The following INPPL1 variants were observed in gnomAD, a reference collection of about 807,000 sequenced individuals.
INPPL1 encodes inositol polyphosphate phosphatase like 1, also known as phosphatidylinositol 3,4,5-trisphosphate 5-phosphatase 2.
In INPPL1, 91 loss-of-function variants were observed where a neutral mutation model predicts 139.3. The ratio of observed to expected loss-of-function variants is 0.65; its 90% CI spans 0.55 to 0.78. INPPL1 has a LOEUF of 0.78. INPPL1 is among the 30% of genes least tolerant of loss of function. The probability of loss-of-function intolerance (pLI) is 0.00; values close to 1 mark genes in which losing one functional copy is unlikely to be tolerated. For synonymous variants in INPPL1, 719 were observed against 686.6 expected (o/e 1.05, Z -0.74); for missense variants, 1,411 against 1,665.6 (o/e 0.85, Z 2.66).
At chr11:72,231,963 A>T (rs890725241) in intron 13 of INPPL1, among the ~76,000 whole-genome samples, 1 of 152,100 alleles carries the variant, frequency 6.6e-6, no homozygotes, top group African/African-American at 2.4e-5. Flanking sequence ...CAGAATCTGC[A>T]GGGCCTTTCA....
At position 72,232,949 on chromosome 11, in the gene INPPL1, G is replaced by A. The variant is rs752265904; in HGVS notation, c.1926G>A (p.Glu642=). ...TGGACCAGCTCAACCTGGAGCGGGAGAAGCACAAGGTCTTCCTTCGATTCA... is the reference window on the plus strand; with the variant it reads ...TGGACCAGCTCAACCTGGAGCGGGAAAAGCACAAGGTCTTCCTTCGATTCA... ...LRVDQLNLER[E]KHKVFLRFSE... Residue 642 remains glutamate (E), a synonymous_variant, in exon 16 of 28, where the codon GAG becomes GAA. Transcript: ENST00000298229. 4.3e-6 allele frequency: 7 copies of A among 1,614,158 alleles called. 1 individual carries two copies. The highest frequency in any genetic ancestry group is 1.6e-4 in the Middle Eastern group (1 of 6,062).
chr11:72,224,245 G>A (rs1374764410), upstream of INPPL1, among the ~76,000 whole-genome samples: 2 of 151,784 alleles, frequency 1.3e-5, no homozygotes, highest in African/African-American at 4.8e-5. Context: ...GCCGGGGGAC[G>A]GTTCCCGTGG....
At chr11:72,225,808 G>A (rs150566110) in intron 1 of INPPL1, among the ~76,000 whole-genome samples, 80 of 152,360 alleles carry the variant, frequency 5.3e-4, no homozygotes, top group Non-Finnish European at 9.6e-4. Flanking sequence ...CTAGCCCTGA[G>A]CTATGAGTGC....
Position 72,234,607 on chromosome 11 carries a change from C to T in INPPL1, c.2407C>T (p.Leu803=), listed in dbSNP as rs538489867. 1 of 1,612,848 alleles carries T rather than the reference C, an allele frequency of 6.2e-7. No individual in the cohort carries two copies. The highest frequency in any genetic ancestry group is 2.2e-5 in the East Asian group (1 of 44,850). ...FLKVQWSSRQ[L]PTLKPILADI... is the part of the protein sequence containing the mutation. The stretch of plus-strand genomic sequence containing the variant: ...CAAAGTGCAGTGGTCTTCACGCCAG[C>T]TGCCCACGGTGAGGCTGTGGGCAGG... The change falls in exon 21 of 28, where the codon CTG becomes TTG. Residue 803 remains leucine (L), a synonymous_variant. Coordinates refer to ENST00000298229, the MANE Select transcript of INPPL1 (RefSeq NM_001567.4). The surrounding 1 kb of genome is among the most constrained non-coding windows in gnomAD (Gnocchi z 4.2).
At position 72,231,053 on chromosome 11, in the gene INPPL1, C is replaced by T. The variant is rs1948820160; in HGVS notation, c.1361C>T (p.Thr454Ile). 6.2e-7 allele frequency: 1 copy of T among 1,614,022 alleles called. No homozygotes were observed. The highest frequency in any genetic ancestry group is 1.3e-5 in the African/African-American group (1 of 74,918). ...TTCACATCGAAGGGTCTGGGGAAGA[C>T]CCTGGACGAGGTCACAGTGACCATA... is the stretch of plus-strand genomic sequence containing the variant. ...SWFTSKGLGK[T>I]LDEVTVTIPH... The change falls in exon 12 of 28, where the codon ACC becomes ATC. Residue 454 changes from threonine (T) to isoleucine (I), a missense_variant. Physicochemically the swap from Thr to Ile is moderately conservative, Grantham distance 89. This residue lies in a region of INPPL1 where 7 missense variants were observed against 26.5 expected (regional missense o/e 0.26). Coordinates refer to ENST00000298229, the MANE Select transcript of INPPL1 (RefSeq NM_001567.4).
chr11:72,238,327 C>G lies in INPPL1; in HGVS notation c.3751C>G (p.Leu1251Val). The G allele has an allele frequency of 6.3e-7, 1 of 1,582,852 alleles. No homozygotes were observed. The highest frequency in any genetic ancestry group is 8.6e-7 in the Non-Finnish European group (1 of 1,165,532). Reference sequence around the variant, plus strand: ...GGACCCGGCTCACAAGCGCCTCCTTCTGGACACCCTGCAGCTCAGCAAGTG... The same window carrying G: ...GGACCCGGCTCACAAGCGCCTCCTTGTGGACACCCTGCAGCTCAGCAAGTG... ...VQDPAHKRLL[L>V]DTLQLSK Residue 1251 changes from leucine to valine, a missense_variant, in exon 28 of 28, where the codon CTG becomes GTG. Leu to Val is a conservative substitution (Grantham distance 32, BLOSUM62 1). Coordinates refer to ENST00000298229, the MANE Select transcript of INPPL1 (RefSeq NM_001567.4).
intron 15 of INPPL1, 21 bp downstream of exon 15, chr11:72,232,785 T>C: frequency 1.2e-6 from 2 of 1,613,870 alleles, no homozygotes; most frequent in Non-Finnish European, 8.5e-7. Flanking sequence ...GGCCCTGCCA[T>C]GGCTGTAGGG....
chr11:72,225,025 T>C lies in INPPL1; in HGVS notation c.41T>C (p.Leu14Pro). 1 of 1,221,340 alleles carries C rather than the reference T, an allele frequency of 8.2e-7. No individual in the cohort carries two copies. The highest frequency in any genetic ancestry group is 1.0e-6 in the Non-Finnish European group (1 of 981,760). The allele number at this position is 1,221,340 out of a possible 1,614,324, so 75.7% of individuals were successfully genotyped here. A position where few individuals can be genotyped will look rare whatever the true frequency, so the allele number is the denominator to read the frequency against. The change falls in exon 1 of 28, where the codon CTG becomes CCG. Residue 14 changes from leucine (L) to proline (P), a missense_variant. Around this residue, in one of 5 missense-constraint regions of INPPL1, gnomAD observed 504 missense variants for 595.6 expected, o/e 0.85. Transcript: ENST00000298229. ...ACGAPGPGGA[L>P]GSQAPSWYHR... The stretch of plus-strand genomic sequence containing the variant: ...GGGGCGCCGGGCCCGGGGGGCGCCC[T>C]GGGCAGCCAGGCCCCCTCCTGGTAC...
At chr11:72,225,283 A>AC (rs1948638193) in intron 1 of INPPL1, 117 bp downstream of exon 1, 4 of 1,220,292 alleles carry the variant, frequency 3.3e-6, no homozygotes, top group Non-Finnish European at 4.1e-6. Context: ...ACCCGCCTCC[A>AC]CCCCCCAGAG....
Position 72,234,658 on chromosome 11 carries a change from G to C in INPPL1, c.2415+43G>C, listed in dbSNP as rs746106581. On this transcript the variant is annotated intron_variant, in intron 21 of 27. Coordinates refer to ENST00000298229, the MANE Select transcript of INPPL1 (RefSeq NM_001567.4). The surrounding 1 kb of genome is among the most constrained non-coding windows in gnomAD (Gnocchi z 4.2). ...GCCCCTGCTTATGGGTGAGGGCACAGAGAGGGGTACATAAGAGTTTATTGG... is the reference window on the plus strand; with the variant it reads ...GCCCCTGCTTATGGGTGAGGGCACACAGAGGGGTACATAAGAGTTTATTGG... The C allele has an allele frequency of 7.0e-7, 1 of 1,425,726 alleles. No homozygotes were observed. Among genetic ancestry groups the C allele is most frequent in the East Asian group, 2.3e-5 (1 of 43,834 alleles). 88.3% of individuals were successfully genotyped at this position (1,425,726 alleles called of 1,614,324 possible).
At chr11:72,233,548 G>A in intron 18 of INPPL1, 26 bp downstream of exon 18, 1 of 1,610,026 alleles carries the variant, frequency 6.2e-7, no homozygotes, top group Non-Finnish European at 8.5e-7. Flanking sequence ...ACAGAGTGAT[G>A]GGAGATCTGG....
rs1425867811 is a variant in INPPL1, at chr11:72,228,063, G to A, written c.183-127G>A. On this transcript the variant is annotated intron_variant, in intron 1 of 27. Transcript: ENST00000298229. This position sits in a 1 kb window ranked among gnomAD's most constrained non-coding sequence, Gnocchi z 5.0. The stretch of plus-strand genomic sequence containing the variant: ...ACATCATTAACCCTGTGCAGCCTGG[G>A]CAGGTGGTTTTAGGGAAACCAAGCT... 3.5e-6 allele frequency: 3 copies of A among 860,538 alleles called. No individual in the cohort carries two copies. The highest frequency in any genetic ancestry group is 5.8e-6 in the Non-Finnish European group (3 of 516,366). The allele number at this position is 860,538 out of a possible 1,614,324, so 53.3% of individuals were successfully genotyped here. A position where few individuals can be genotyped will look rare whatever the true frequency, so the allele number is the denominator to read the frequency against.
At position 72,228,982 on chromosome 11, in the gene INPPL1, G is replaced by C. The variant is rs1467555104; in HGVS notation, c.519-108G>C. ...ACCTCAGCCCAGAGGCAGATAACCTGATCCATCCCGCCCTGGTTGCCACAG... is the reference window on the plus strand; with the variant it reads ...ACCTCAGCCCAGAGGCAGATAACCTCATCCATCCCGCCCTGGTTGCCACAG... On this transcript the variant is annotated intron_variant, in intron 4 of 27. Coordinates refer to ENST00000298229, the MANE Select transcript of INPPL1 (RefSeq NM_001567.4). This position sits in a 1 kb window ranked among gnomAD's most constrained non-coding sequence, Gnocchi z 5.0. 2 of 1,523,998 alleles carry C rather than the reference G, an allele frequency of 1.3e-6. No individual in the cohort carries two copies. Among genetic ancestry groups the C allele is most frequent in the Non-Finnish European group, 1.8e-6 (2 of 1,135,274 alleles). 94.4% of individuals were successfully genotyped at this position (1,523,998 alleles called of 1,614,324 possible).
chr11:72,230,960 C>T (rs768854699), intron 11 of INPPL1, 33 bp from the exon 12 acceptor site: 2 of 1,611,544 alleles, frequency 1.2e-6, no homozygotes, highest in Non-Finnish European at 8.5e-7. Flanking sequence ...GTGCCTAACC[C>T]CTCCAGACCC....
Position 72,228,259 on chromosome 11 carries a change from AG to A in INPPL1, c.246+7del, listed in dbSNP as rs781680956. On this transcript the variant is annotated splice_region_variant and intron_variant, in intron 2 of 27. Coordinates refer to ENST00000298229, the MANE Select transcript of INPPL1 (RefSeq NM_001567.4). The surrounding 1 kb of genome is among the most constrained non-coding windows in gnomAD (Gnocchi z 5.0). ...AAGATTTCTTGGCTGTGCAGGTAGG[AG>A]CTTGGGCCCCTGACCCCTGACCTTG... 78 of 1,613,892 alleles carry A rather than the reference AG, an allele frequency of 4.8e-5. No individual in the cohort carries two copies. The highest frequency in any genetic ancestry group is 5.9e-5 in the Non-Finnish European group (70 of 1,179,956).
In INPPL1 at chr11:72,232,614, C is replaced by T. The variant is rs1286524593; in HGVS notation, c.1713-12C>T. 2 of 1,613,200 alleles carry T rather than the reference C, an allele frequency of 1.2e-6. No individual in the cohort carries two copies. Among genetic ancestry groups the T allele is most frequent in the Non-Finnish European group, 1.7e-6 (2 of 1,179,678 alleles). On this transcript the variant is annotated splice_polypyrimidine_tract_variant and intron_variant, in intron 14 of 27. Coordinates refer to ENST00000298229, the MANE Select transcript of INPPL1 (RefSeq NM_001567.4). Reference sequence around the variant, plus strand: ...GGATCTACCCCTCCCCACCACGCACCCCTCACCCTAGGAGGAACCAAAACT... The same window carrying T: ...GGATCTACCCCTCCCCACCACGCACTCCTCACCCTAGGAGGAACCAAAACT...
Position 72,229,902 on chromosome 11 carries a change from G to C in INPPL1, c.844-22G>C, listed in dbSNP as rs375062310. ...AGCCTTCAGTGTGTCCCCTGACCCC[G>C]CCCTGCCCTTGTTCCCTCCAGGCCC... On this transcript the variant is annotated intron_variant, in intron 7 of 27. Transcript: ENST00000298229. 3.4e-5 allele frequency: 54 copies of C among 1,609,546 alleles called. No homozygotes were observed. The Middle Eastern group carries it at 6.9e-4, about 21-fold the overall frequency.
Position 72,233,653 on chromosome 11 carries a change from AG to A in INPPL1, c.2123del. 1 of 1,613,868 alleles carries A rather than the reference AG, an allele frequency of 6.2e-7. No individual in the cohort carries two copies. The highest frequency in any genetic ancestry group is 8.5e-7 in the Non-Finnish European group (1 of 1,179,858). On this transcript the variant is annotated splice_acceptor_variant, in intron 18 of 27. Coordinates refer to ENST00000298229, the MANE Select transcript of INPPL1 (RefSeq NM_001567.4). LOFTEE classifies it high-confidence loss of function. ...GTCCCCATTCCTATCCCCTCTCCCC[AG>A]GTTGCACTGATGACATCGTCACCAG...
In INPPL1 at chr11:72,237,774, T is replaced by C; in HGVS notation, c.3530T>C (p.Ile1177Thr). The C allele has an allele frequency of 6.8e-6, 11 of 1,608,976 alleles. No individual in the cohort carries two copies. Among genetic ancestry groups the C allele is most frequent in the Non-Finnish European group, 9.3e-6 (11 of 1,178,234 alleles). ...SFPPPRIRES[I>T]QEDLAEEAPC... ...CCTCCACCCCGCATCCGGGAGAGCA[T>C]CCAGGAAGACCTGGCAGAGGAGGTG... Residue 1177 changes from isoleucine to threonine, a missense_variant, in exon 26 of 28, where the codon ATC becomes ACC. Coordinates refer to ENST00000298229, the MANE Select transcript of INPPL1 (RefSeq NM_001567.4).
Sources: gnomAD v4.1 joint callset for allele counts (sites outside exome capture counted in the v4.1 genomes callset) on GRCh38, gnomAD v4.1.1 for gene constraint, gnomAD v4.1.1 regional missense constraint, Gnocchi (gnomAD v3.1) non-coding constraint, MANE v1.5 for transcripts, NCBI Gene and HGNC (gene_info 2026-07-23, HGNC 2026-07-21) for gene names.